The following ZBTB20 variants were observed in gnomAD, a reference collection of about 807,000 sequenced individuals.
ZBTB20 encodes the protein zinc finger and BTB domain containing 20.
Under a neutral mutation model 56.9 loss-of-function variants are expected in ZBTB20, and 9 were observed. That is an observed-to-expected ratio of 0.16 (90% CI 0.10 to 0.28). The LOEUF is 0.28. ZBTB20 is among the 10% of genes least tolerant of loss of function. ZBTB20 has a pLI of 1.00. For missense variants in ZBTB20, 655 were observed against 1,003.0 expected (o/e 0.65, Z 4.69); for synonymous variants, 417 against 420.7 (o/e 0.99, Z 0.11).
intron 6 of ZBTB20, among the ~76,000 whole-genome samples, chr3:114,689,084 A>T (rs934408084): frequency 6.6e-6 from 1 of 152,172 alleles, no homozygotes; most frequent in African/African-American, 2.4e-5. Flanking sequence ...GAAAGGAATG[A>T]GCTGACTACA....
At chr3:114,952,594 GA>G (rs35864191) in intron 3 of ZBTB20, among the ~76,000 whole-genome samples, 5,374 of 140,616 alleles carry the variant, frequency 0.038, 111 homozygotes, top group African/African-American at 0.055. Context: ...ACCCCAAACA[GA>G]AAAAAAAAAA....
intron 6 of ZBTB20, among the ~76,000 whole-genome samples, chr3:114,666,435 C>T (rs2061058067): frequency 6.6e-6 from 1 of 152,008 alleles, no homozygotes; most frequent in Non-Finnish European, 1.5e-5. Context: ...ACAGTTAATT[C>T]ACCTGGCAAC....
At chr3:115,135,661 A>C (rs550587097) in intron 1 of ZBTB20, among the ~76,000 whole-genome samples, 24 of 152,310 alleles carry the variant, frequency 1.6e-4, no homozygotes, top group African/African-American at 5.3e-4. Context: ...AAATATGAAA[A>C]AGTATGTCAG....
At chr3:114,928,411 A>G (rs1001596023) in intron 3 of ZBTB20, among the ~76,000 whole-genome samples, 1 of 146,870 alleles carries the variant, frequency 6.8e-6, no homozygotes, top group Non-Finnish European at 1.5e-5. Context: ...GGAGAACCTC[A>G]AGGTTCTTCA....
intron 4 of ZBTB20, among the ~76,000 whole-genome samples, chr3:114,860,737 C>T (rs188687608): frequency 6.6e-6 from 1 of 152,182 alleles, no homozygotes; most frequent in Non-Finnish European, 1.5e-5. Flanking sequence ...TACTGGTGTG[C>T]TTTAACTGTC....
At chr3:115,083,627 T>C (rs1418368756) in intron 1 of ZBTB20, among the ~76,000 whole-genome samples, 1 of 152,018 alleles carries the variant, frequency 6.6e-6, no homozygotes, top group African/African-American at 2.4e-5. Flanking sequence ...GCACAATTCA[T>C]GTTAAGTTGA....
At chr3:114,344,363 A>G (rs150126279) in intron 11 of ZBTB20, among the ~76,000 whole-genome samples, 2 of 152,362 alleles carry the variant, frequency 1.3e-5, no homozygotes, top group Non-Finnish European at 1.5e-5. Context: ...AACATCTTGA[A>G]GGTCATCTAA....
chr3:115,070,856 A>C (rs1389673598), intron 2 of ZBTB20, among the ~76,000 whole-genome samples: 1 of 152,014 alleles, frequency 6.6e-6, no homozygotes, highest in African/African-American at 2.4e-5. Context: ...TTTAAGAAAG[A>C]AACTTTCTCC....
chr3:114,602,819 C>T (rs898512631), intron 6 of ZBTB20, among the ~76,000 whole-genome samples: 32 of 152,026 alleles, frequency 2.1e-4, no homozygotes, highest in Middle Eastern at 3.4e-3. Context: ...AATTATGTCA[C>T]GGACGAATTT....
intron 4 of ZBTB20, among the ~76,000 whole-genome samples, chr3:114,863,025 A>G (rs1232511238): frequency 6.6e-6 from 1 of 152,120 alleles, no homozygotes; most frequent in African/African-American, 2.4e-5. Flanking sequence ...TAAGAGGAAA[A>G]TATCTTCATA....
At chr3:114,375,358 A>T (rs903469372) in intron 10 of ZBTB20, among the ~76,000 whole-genome samples, 3 of 152,238 alleles carry the variant, frequency 2.0e-5, no homozygotes, top group Non-Finnish European at 1.5e-5. Flanking sequence ...CTCTAACACA[A>T]ATGGGTAAAC....
chr3:115,004,497 T>C (rs2079385884), intron 2 of ZBTB20, among the ~76,000 whole-genome samples: 1 of 151,724 alleles, frequency 6.6e-6, no homozygotes, highest in Admixed American at 6.6e-5. Context: ...TTTTCTTCAG[T>C]AGAACACACA....
chr3:114,435,532 C>G (rs1395587868), intron 7 of ZBTB20, among the ~76,000 whole-genome samples: 1 of 152,184 alleles, frequency 6.6e-6, no homozygotes, highest in Non-Finnish European at 1.5e-5. Context: ...CCTCACCATG[C>G]CTTGCCAGGC....
At chr3:114,973,665 C>G (rs2077979338) in intron 3 of ZBTB20, among the ~76,000 whole-genome samples, 2 of 152,058 alleles carry the variant, frequency 1.3e-5, no homozygotes, top group Non-Finnish European at 2.9e-5. Context: ...ATCGCACCAC[C>G]CCATCCCCCT....
At chr3:114,926,956 T>C (rs2076180905) in intron 3 of ZBTB20, among the ~76,000 whole-genome samples, 1 of 152,250 alleles carries the variant, frequency 6.6e-6, no homozygotes, top group East Asian at 1.9e-4. Flanking sequence ...TTGCCCAGAC[T>C]GGTCTTGAAC....
chr3:114,954,181 G>A (rs932077080), intron 3 of ZBTB20, among the ~76,000 whole-genome samples: 1 of 152,082 alleles, frequency 6.6e-6, no homozygotes, highest in Admixed American at 6.6e-5. Context: ...CTTCAGTTAA[G>A]CTGAATATTT....
chr3:114,819,955 T>G (rs1195500226), intron 4 of ZBTB20, among the ~76,000 whole-genome samples: 1 of 151,938 alleles, frequency 6.6e-6, no homozygotes, highest in African/African-American at 2.4e-5. Flanking sequence ...TAAAACTATG[T>G]AAACTAGTTA....
At chr3:114,689,552 C>T (rs1272621606) in intron 6 of ZBTB20, among the ~76,000 whole-genome samples, 1 of 151,908 alleles carries the variant, frequency 6.6e-6, no homozygotes, top group Non-Finnish European at 1.5e-5. Context: ...GCACCAAGAG[C>T]CAAAGAGGCC....
chr3:114,364,485 C>T (rs1024281843), intron 10 of ZBTB20, among the ~76,000 whole-genome samples: 2 of 152,124 alleles, frequency 1.3e-5, no homozygotes, highest in African/African-American at 2.4e-5. Flanking sequence ...ACAATTTATG[C>T]AAACAACATC....
Sources: allele counts gnomAD v4.1 joint callset (sites outside exome capture counted in the v4.1 genomes callset), GRCh38; gene constraint gnomAD v4.1.1; transcripts MANE v1.5; gene names NCBI Gene and HGNC (gene_info 2026-07-23, HGNC 2026-07-21).